Variants in ITPR1 observed in about 807,000 individuals in gnomAD.
ITPR1 encodes inositol 1,4,5-trisphosphate-gated calcium channel ITPR1.
Under a neutral mutation model 318.4 loss-of-function variants are expected in ITPR1, and 96 were observed. That is an observed-to-expected ratio of 0.30 (90% CI 0.26 to 0.36). The LOEUF (loss-of-function observed/expected upper bound fraction) is 0.36, where lower values mean the gene tolerates loss of function less well. ITPR1 is among the 10% of genes least tolerant of loss of function. ITPR1 has a pLI of 1.00. For synonymous variants in ITPR1, 1,312 were observed against 1,289.9 expected (o/e 1.02, Z -0.37); for missense variants, 2,440 against 3,460.2 (o/e 0.71, Z 7.40).
intron 61 of ITPR1, among the ~76,000 whole-genome samples, chr3:4,842,431 G>C (rs1049485270): frequency 2.6e-5 from 4 of 152,126 alleles, no homozygotes; most frequent in African/African-American, 9.7e-5. Flanking sequence ...GCAGTGGCAC[G>C]ATCTCAGCTC....
Position 4,661,085 on chromosome 3 carries a change from A to C in ITPR1, c.1249A>C (p.Lys417Gln). 4 of 1,584,760 alleles carry C rather than the reference A, an allele frequency of 2.5e-6. No individual in the cohort carries two copies. The highest frequency in any genetic ancestry group is 3.5e-6 in the Non-Finnish European group (4 of 1,153,468). ...DKEEEKPVML[K>Q]IGTSPVKEDK... ...GGAAGAAGAAAAGCCCGTGATGCTG[A>C]AAGTAAGTCCTGGGACTTGCCTGTC... is the stretch of plus-strand genomic sequence containing the variant. Residue 417 changes from lysine (K) to glutamine (Q), a missense_variant and splice_region_variant, in exon 14 of 62, where the codon AAA (lysine) becomes CAA (glutamine). This residue lies in a region of ITPR1 where 101 missense variants were observed against 119.6 expected (regional missense o/e 0.84). Transcript: ENST00000649015.
intron 44 of ITPR1, among the ~76,000 whole-genome samples, chr3:4,740,555 C>G (rs576433498): frequency 6.6e-6 from 1 of 152,180 alleles, no homozygotes; most frequent in South Asian, 2.1e-4. Flanking sequence ...TCATCCATCA[C>G]ATCATCACCT....
intron 4 of ITPR1, among the ~76,000 whole-genome samples, chr3:4,530,446 C>G (rs2083320932): frequency 6.6e-6 from 1 of 152,132 alleles, no homozygotes; most frequent in Non-Finnish European, 1.5e-5. Flanking sequence ...TTAACGCTGC[C>G]CTGTAATCTT....
chr3:4,560,994 G>A lies in ITPR1; in HGVS notation c.163+39900G>A, dbSNP rs544828792. 3.0e-4 allele frequency among the ~76,000 whole-genome samples: 46 copies of A among 152,320 alleles called. No individual in the cohort carries two copies. In the South Asian group the frequency reaches 8.7e-3, roughly 29 times the overall value. ...GGCCTTTTGCTGCTTTGAGGATGCA[G>A]GCTGATGACTTAGGTCCTGTGTTCA... On this transcript the variant is annotated intron_variant, in intron 4 of 61. Transcript: ENST00000649015.
intron 60 of ITPR1, among the ~76,000 whole-genome samples, chr3:4,833,466 A>G (rs1399666651): frequency 6.6e-6 from 1 of 152,262 alleles, no homozygotes. Flanking sequence ...GCCAGATTTT[A>G]GATGGATTCG....
At chr3:4,773,176 G>GTA (rs1163122760) in intron 46 of ITPR1, among the ~76,000 whole-genome samples, 1 of 152,178 alleles carries the variant, frequency 6.6e-6, no homozygotes, top group East Asian at 1.9e-4. Flanking sequence ...GTAGGGCTCA[G>GTA]GGGTCGGAGG....
At position 4,710,278 on chromosome 3, in the gene ITPR1, G is replaced by T; in HGVS notation, c.4843-47G>T. ...AAATCAATGTCCTCACCCTCCTGTG[G>T]TCAGCGTCTGCCTGAGCCGTTGACT... On this transcript the variant is annotated intron_variant, in intron 37 of 61. Transcript: ENST00000649015. This position sits in a 1 kb window ranked among gnomAD's most constrained non-coding sequence, Gnocchi z 4.2. 1.4e-6 allele frequency: 2 copies of T among 1,475,280 alleles called. No individual in the cohort carries two copies. Among genetic ancestry groups the T allele is most frequent in the Non-Finnish European group, 1.8e-6 (2 of 1,103,698 alleles). 91.4% of individuals were successfully genotyped at this position (1,475,280 alleles called of 1,614,324 possible). A position where few individuals can be genotyped will look rare whatever the true frequency, so the allele number is the denominator to read the frequency against.
At chr3:4,818,537 A>G (rs757152055) in intron 60 of ITPR1, among the ~76,000 whole-genome samples, 19 of 152,220 alleles carry the variant, frequency 1.2e-4, no homozygotes, top group Non-Finnish European at 2.5e-4. Flanking sequence ...ATCAAACTCC[A>G]TAGCCCGATT....
chr3:4,525,697 C>G (rs36056991), intron 4 of ITPR1, among the ~76,000 whole-genome samples: 2,821 of 152,240 alleles, frequency 0.019, 82 homozygotes, highest in African/African-American at 0.064. Flanking sequence ...TAAGGCAGAA[C>G]CTCCTCTTCT....
At chr3:4,841,974 C>T (rs2051378696) in intron 61 of ITPR1, among the ~76,000 whole-genome samples, 1 of 152,190 alleles carries the variant, frequency 6.6e-6, no homozygotes, top group Non-Finnish European at 1.5e-5. Context: ...AATTTGCTAG[C>T]TGTTTAGAAT....
intron 4 of ITPR1, among the ~76,000 whole-genome samples, chr3:4,542,890 T>A (rs1190564913): frequency 6.6e-6 from 1 of 152,188 alleles, no homozygotes; most frequent in African/African-American, 2.4e-5. Flanking sequence ...CTGGATTCCC[T>A]TCTATATAAC....
chr3:4,699,672 T>TGATTCC, intron 34 of ITPR1, 141 bp from the exon 35 acceptor site: 1 of 675,706 alleles, frequency 1.5e-6, no homozygotes, highest in Non-Finnish European at 2.4e-6. Context: ...TTTATTATTA[T>TGATTCC]GATTCCTTAA....
intron 44 of ITPR1, among the ~76,000 whole-genome samples, chr3:4,748,954 C>T (rs937839622): frequency 3.3e-5 from 5 of 152,134 alleles, no homozygotes; most frequent in South Asian, 2.1e-4. Flanking sequence ...TGTTTTCCTC[C>T]GCGGGGATTT....
At position 4,627,887 on chromosome 3, in the gene ITPR1, T is replaced by G; in HGVS notation, c.279+9T>G. 2 of 1,582,392 alleles carry G rather than the reference T, an allele frequency of 1.3e-6. No homozygotes were observed. Among genetic ancestry groups the G allele is most frequent in the Non-Finnish European group, 1.7e-6 (2 of 1,153,296 alleles). On this transcript the variant is annotated intron_variant, in intron 5 of 61. Coordinates refer to ENST00000649015, the MANE Select transcript of ITPR1 (RefSeq NM_001378452.1). ...TACTCAACAAACTGCACGTACGTAT[T>G]GCCATGGGGCTGTCGATGGGGCAGT...
At chr3:4,811,553 T>C (rs1214291777) in intron 56 of ITPR1, 93 bp downstream of exon 56, 26 of 971,640 alleles carry the variant, frequency 2.7e-5, no homozygotes, top group Non-Finnish European at 4.1e-5. Flanking sequence ...GTAATGCAGA[T>C]ATCTCCCCAT....
chr3:4,627,036 G>T (rs923098797), intron 4 of ITPR1, among the ~76,000 whole-genome samples: 4 of 151,928 alleles, frequency 2.6e-5, no homozygotes, highest in African/African-American at 7.3e-5. Context: ...GACCAGGCTG[G>T]TCTCAAACTC....
At chr3:4,829,954 G>GTTTTTTTTTTT (rs35099159) in intron 60 of ITPR1, among the ~76,000 whole-genome samples, 2 of 27,112 alleles carry the variant, frequency 7.4e-5, no homozygotes, top group Admixed American at 6.0e-4. Context: ...ATGTATAACA[G>GTTTTTTTTTTT]TTTTTTTTTT....
At chr3:4,662,486 G>C (rs1221144868) in intron 15 of ITPR1, among the ~76,000 whole-genome samples, 2 of 152,224 alleles carry the variant, frequency 1.3e-5, no homozygotes, top group African/African-American at 4.8e-5. Context: ...ACTTTGGGAG[G>C]CTGAGGTGGG....
intron 11 of ITPR1, among the ~76,000 whole-genome samples, chr3:4,652,466 G>A (rs914366404): frequency 1.3e-5 from 2 of 152,102 alleles, no homozygotes; most frequent in African/African-American, 4.8e-5. Flanking sequence ...AGATCATGCC[G>A]ATCTAGGTTT....
Sources: allele counts gnomAD v4.1 joint callset (sites outside exome capture counted in the v4.1 genomes callset), GRCh38; gene constraint gnomAD v4.1.1; regional missense constraint gnomAD v4.1.1; non-coding constraint Gnocchi (gnomAD v3.1); transcripts MANE v1.5; gene names NCBI Gene and HGNC (gene_info 2026-07-23, HGNC 2026-07-21).